SCPEP1: variants seen among roughly 807,000 people sequenced by gnomAD.
The protein encoded by SCPEP1 is retinoid-inducible serine carboxypeptidase.
A neutral mutation model predicts 63.8 loss-of-function variants in SCPEP1; 51 were observed. The ratio of observed to expected loss-of-function variants is 0.80; its 90% CI spans 0.64 to 1.01. SCPEP1 has a LOEUF of 1.01. SCPEP1 is among the 50% of genes least tolerant of loss of function. SCPEP1 has a pLI of 0.00. For synonymous variants in SCPEP1, 204 were observed against 207.8 expected (o/e 0.98, Z 0.16); for missense variants, 499 against 554.9 (o/e 0.90, Z 1.01).
intron 3 of SCPEP1, 102 bp from the exon 4 acceptor site, chr17:56,987,593 C>T: frequency 8.9e-7 from 1 of 1,121,380 alleles, no homozygotes; most frequent in African/African-American, 1.6e-5. Context: ...ACGCTGGTAT[C>T]CTCACATGTG....
At chr17:56,996,732 CG>C (rs1325113081) in intron 8 of SCPEP1, among the ~76,000 whole-genome samples, 1 of 147,508 alleles carries the variant, frequency 6.8e-6, no homozygotes, top group South Asian at 2.2e-4. Context: ...TTGACCAGGC[CG>C]GTCTCGAACT....
chr17:57,001,205 T>A (rs1469770748), intron 11 of SCPEP1, among the ~76,000 whole-genome samples: 19 of 152,026 alleles, frequency 1.2e-4, no homozygotes, highest in Admixed American at 1.2e-3. Context: ...CCTACCTGGG[T>A]TTGGGGGCCC....
chr17:57,006,097 G>C (rs564086277), intron 12 of SCPEP1, 76 bp from the exon 13 acceptor site: 7 of 1,229,546 alleles, frequency 5.7e-6, no homozygotes, highest in Non-Finnish European at 8.1e-6. Flanking sequence ...TGGGAGCAAG[G>C]TTTCAGGATG....
At chr17:56,991,603 G>T (rs1911401646) in intron 6 of SCPEP1, among the ~76,000 whole-genome samples, 1 of 152,164 alleles carries the variant, frequency 6.6e-6, no homozygotes, top group Non-Finnish European at 1.5e-5. Context: ...CATATTGATG[G>T]CAAGACAAGG....
At chr17:56,996,538 G>T (rs573643972) in intron 8 of SCPEP1, among the ~76,000 whole-genome samples, 23 of 144,140 alleles carry the variant, frequency 1.6e-4, no homozygotes, top group Non-Finnish European at 2.7e-4. Flanking sequence ...ATTTTTTTTT[G>T]AGACTAAGTC....
At chr17:56,989,345 A>G (rs1023105954) in intron 5 of SCPEP1, among the ~76,000 whole-genome samples, 9 of 152,234 alleles carry the variant, frequency 5.9e-5, no homozygotes, top group Admixed American at 1.3e-4. Context: ...TATTTAAAAG[A>G]CTGATAACAC....
chr17:57,005,369 C>T (rs1911853973), intron 12 of SCPEP1, among the ~76,000 whole-genome samples: 1 of 152,200 alleles, frequency 6.6e-6, no homozygotes, highest in Admixed American at 6.5e-5. Context: ...AACAACAGAT[C>T]AGTTGGGGAC....
At chr17:56,998,166 CT>C (rs1911626022) in intron 9 of SCPEP1, 1 of 428,464 alleles carries the variant, frequency 2.3e-6, no homozygotes, top group Admixed American at 3.5e-5. Flanking sequence ...CAAAAATGAG[CT>C]GGGCATGGTG....
chr17:56,996,979 C>A lies in SCPEP1; in HGVS notation c.804C>A (p.Asn268Lys). Residue 268 changes from asparagine (N) to lysine (K), a missense_variant, in exon 9 of 13, where the codon AAC (asparagine) becomes AAA (lysine). By Grantham distance (94) the Asn-to-Lys change is moderately conservative. Coordinates refer to ENST00000262288, the MANE Select transcript of SCPEP1 (RefSeq NM_021626.3). ...TATTTCAGAACACAGATGGGGTGAA[C>A]TTCTATAACATCTTAACTAAAAGCA... is the stretch of plus-strand genomic sequence containing the variant. ...MIIEQNTDGV[N>K]FYNILTKSTP... is the part of the protein sequence containing the mutation. The A allele has an allele frequency of 6.2e-7, 1 of 1,606,024 alleles. No homozygotes were observed. The highest frequency in any genetic ancestry group is 8.5e-7 in the Non-Finnish European group (1 of 1,176,802).
chr17:57,004,823 C>T (rs1911837523), intron 12 of SCPEP1, among the ~76,000 whole-genome samples: 1 of 152,236 alleles, frequency 6.6e-6, no homozygotes, highest in African/African-American at 2.4e-5. Context: ...TGTTAGGCAT[C>T]ATATCATTTC....
chr17:56,997,403 CT>C (rs1452868100), intron 9 of SCPEP1, among the ~76,000 whole-genome samples: 1 of 152,192 alleles, frequency 6.6e-6, no homozygotes, highest in Non-Finnish European at 1.5e-5. Context: ...TTTGCACTGG[CT>C]TCTGTCACAT....
At chr17:56,999,257 T>C (rs1438047983) in intron 10 of SCPEP1, among the ~76,000 whole-genome samples, 1 of 152,166 alleles carries the variant, frequency 6.6e-6, no homozygotes, top group Non-Finnish European at 1.5e-5. Context: ...AGCTCTCTCT[T>C]GCTGACCTCC....
intron 5 of SCPEP1, 70 bp downstream of exon 5, chr17:56,988,360 G>A (rs915892564): frequency 7.8e-5 from 92 of 1,182,204 alleles, no homozygotes; most frequent in South Asian, 5.0e-4. Context: ...ATGTACTCAC[G>A]TGCTATTAAA....
intron 6 of SCPEP1, among the ~76,000 whole-genome samples, chr17:56,993,354 G>A (rs910657393): frequency 6.6e-6 from 1 of 152,174 alleles, no homozygotes; most frequent in Non-Finnish European, 1.5e-5. Flanking sequence ...GAACAATGCA[G>A]GCCTACTTCA....
At position 56,987,749 on chromosome 17, in the gene SCPEP1, T is replaced by A. The variant is rs770182519; in HGVS notation, c.370T>A (p.Tyr124Asn). 32 of 1,613,976 alleles carry A rather than the reference T, an allele frequency of 2.0e-5. No individual in the cohort carries two copies. The highest frequency in any genetic ancestry group is 2.7e-5 in the Non-Finnish European group (32 of 1,180,012). ...VDNPVGTGFS[Y>N]VNGSGAYAKD... ...TAATCCCGTGGGCACTGGGTTCAGTTATGTGAATGGTAGTGGTGCCTATGC... is the reference window on the plus strand; with the variant it reads ...TAATCCCGTGGGCACTGGGTTCAGTAATGTGAATGGTAGTGGTGCCTATGC... Residue 124 changes from tyrosine (Y) to asparagine (N), a missense_variant, in exon 4 of 13, where the codon TAT becomes AAT. Tyr to Asn is a moderately radical substitution (Grantham distance 143). Transcript: ENST00000262288.
chr17:57,001,082 G>A (rs990145486), intron 11 of SCPEP1, 90 bp downstream of exon 11: 151 of 1,395,838 alleles, frequency 1.1e-4, no homozygotes, highest in Non-Finnish European at 1.1e-4. Flanking sequence ...CTTGCGGTGG[G>A]TGATGTTGAA....
Position 56,978,175 on chromosome 17 carries a change from C to T in SCPEP1, c.16C>T (p.Arg6Trp), listed in dbSNP as rs530649277. MELAL[R>W]RSPVPRWLLL... ...GGTACTTGTCATGGAGCTGGCACTG[C>T]GGCGCTCTCCCGTCCCGCGGTGGTT... Residue 6 changes from arginine to tryptophan, a missense_variant, in exon 1 of 13, where the codon CGG becomes TGG. Physicochemically the swap from Arg to Trp is moderately radical, Grantham distance 101. Transcript: ENST00000262288. 1.1e-5 allele frequency: 17 copies of T among 1,526,868 alleles called. No homozygotes were observed. The African/African-American group carries it at 1.5e-4, about 14-fold the overall frequency. The allele number at this position is 1,526,868 out of a possible 1,614,324, so 94.6% of individuals were successfully genotyped here. A position where few individuals can be genotyped will look rare whatever the true frequency, so the allele number is the denominator to read the frequency against.
chr17:56,994,860 A>T, intron 6 of SCPEP1, 121 bp from the exon 7 acceptor site: 1 of 861,114 alleles, frequency 1.2e-6, no homozygotes, highest in Non-Finnish European at 1.9e-6. Flanking sequence ...GAGCCTTCCA[A>T]TCCAAAGCCA....
At chr17:56,987,659 T>G in intron 3 of SCPEP1, 36 bp from the exon 4 acceptor site, 1 of 1,600,448 alleles carries the variant, frequency 6.2e-7, no homozygotes, top group South Asian at 1.1e-5. Flanking sequence ...ACCAAATGTC[T>G]GATTGCAACA....
Sources: allele counts gnomAD v4.1 joint callset (sites outside exome capture counted in the v4.1 genomes callset), GRCh38; gene constraint gnomAD v4.1.1; transcripts MANE v1.5; gene names NCBI Gene and HGNC (gene_info 2026-07-23, HGNC 2026-07-21).